The following GPR149 variants were observed in gnomAD, a reference collection of about 807,000 sequenced individuals.
GPR149 encodes probable G protein-coupled receptor 149.
Under a neutral mutation model 50.2 loss-of-function variants are expected in GPR149, and 50 were observed. The ratio of observed to expected loss-of-function variants is 1.00; its 90% confidence interval spans 0.79 to 1.26. The LOEUF (loss-of-function observed/expected upper bound fraction) is 1.26. GPR149 is among the 50% of genes most tolerant of loss of function. GPR149 has a pLI of 0.00. For synonymous variants in GPR149, 405 were observed against 358.2 expected (o/e 1.13, Z -1.48); for missense variants, 983 against 895.4 (o/e 1.10, Z -1.25).
rs907019465 is a variant in GPR149, at chr3:154,338,176, A to G, written c.1719T>C (p.Tyr573=). The change falls in exon 4 of 4, where the codon TAT becomes TAC. Residue 573 remains tyrosine (Y), a synonymous_variant. Coordinates refer to ENST00000389740, the MANE Select transcript of GPR149 (RefSeq NM_001038705.3). ...TTTTTTGCCCTTCTGCGCTTACCTC[A>G]TAGGTAGAAAGAGATAGGGTTTTCC... ...PTGKTLSLST[Y]EVSAEGQKIT... is the part of the protein sequence containing the mutation. The G allele has an allele frequency of 7.4e-6, 12 of 1,613,884 alleles. No individual in the cohort carries two copies. The highest frequency in any genetic ancestry group is 1.6e-4 in the Middle Eastern group (1 of 6,084).
At chr3:154,390,112 G>C (rs1407531706) in intron 3 of GPR149, among the ~76,000 whole-genome samples, 2 of 152,120 alleles carry the variant, frequency 1.3e-5, no homozygotes, top group African/African-American at 4.8e-5. Flanking sequence ...TCTCTGGCTG[G>C]TCTGACTGGT....
intron 3 of GPR149, among the ~76,000 whole-genome samples, chr3:154,383,706 G>A (rs1287101636): frequency 1.3e-5 from 2 of 152,038 alleles, no homozygotes; most frequent in Non-Finnish European, 2.9e-5. Flanking sequence ...AGATGCTATG[G>A]TCTGGATGTT....
intron 2 of GPR149, among the ~76,000 whole-genome samples, chr3:154,423,737 A>G (rs1288389339): frequency 2.6e-5 from 4 of 151,896 alleles, no homozygotes; most frequent in African/African-American, 9.7e-5. Flanking sequence ...GTCAAAACTA[A>G]TCATTTTTAA....
chr3:154,357,458 T>C (rs1005729097), intron 3 of GPR149, among the ~76,000 whole-genome samples: 3 of 151,938 alleles, frequency 2.0e-5, no homozygotes, highest in Non-Finnish European at 4.4e-5. Context: ...ATATCCAGAA[T>C]CTACAATGAA....
intron 3 of GPR149, among the ~76,000 whole-genome samples, chr3:154,398,191 A>G (rs1292927610): frequency 1.3e-5 from 2 of 152,178 alleles, no homozygotes; most frequent in Non-Finnish European, 2.9e-5. Context: ...AAAGAGGAAG[A>G]AAACATCTTC....
intron 3 of GPR149, among the ~76,000 whole-genome samples, chr3:154,348,728 A>G (rs1001871804): frequency 1.3e-5 from 2 of 152,142 alleles, no homozygotes; most frequent in Non-Finnish European, 2.9e-5. Flanking sequence ...AGTGTAGAAG[A>G]GCATCATTAA....
intron 3 of GPR149, among the ~76,000 whole-genome samples, chr3:154,368,113 T>C (rs1194900676): frequency 6.6e-6 from 1 of 152,192 alleles, no homozygotes; most frequent in Non-Finnish European, 1.5e-5. Context: ...GAGTTATCAG[T>C]AGACATTCTA....
intron 3 of GPR149, among the ~76,000 whole-genome samples, chr3:154,419,858 G>A (rs189069469): frequency 5.2e-4 from 79 of 152,070 alleles, no homozygotes; most frequent in East Asian, 5.0e-3. Context: ...CATATGGAGC[G>A]TTGTGTTCTT....
chr3:154,380,776 C>A (rs1714904977), intron 3 of GPR149, among the ~76,000 whole-genome samples: 1 of 152,076 alleles, frequency 6.6e-6, no homozygotes, highest in South Asian at 2.1e-4. Flanking sequence ...CCAAATAAAT[C>A]CCAAGCAAAT....
intron 3 of GPR149, among the ~76,000 whole-genome samples, chr3:154,364,771 C>T (rs1404480601): frequency 1.3e-5 from 2 of 152,242 alleles, no homozygotes; most frequent in Admixed American, 6.5e-5. Flanking sequence ...GATCCCACCC[C>T]CATGGCTTTG....
In GPR149 at chr3:154,335,620, T is replaced by C. The variant is rs1003349911; in HGVS notation, c.*2079A>G. On this transcript the variant is annotated 3_prime_UTR_variant, in exon 4 of 4. Transcript: ENST00000389740. ...AATTAAATGGGAATATCCTAATTAT[T>C]TTTCCAATTCCCCCAGTTTAAGCCC... is the stretch of plus-strand genomic sequence containing the variant. 1.6e-4 allele frequency: 25 copies of C among 152,178 alleles called. No homozygotes were observed. The highest frequency in any genetic ancestry group is 6.0e-4 in the African/African-American group (25 of 41,468). 9.4% of individuals were successfully genotyped at this position (152,178 alleles called of 1,614,324 possible).
At position 154,427,515 on chromosome 3, in the gene GPR149, CT is replaced by C; in HGVS notation, c.1174del (p.Ile392SerfsTer21). On this transcript the variant is annotated frameshift_variant and splice_region_variant, in exon 2 of 4. Transcript: ENST00000389740. LOFTEE classifies it high-confidence loss of function. ...CAATCACTGCAGTGTTGAGGACTTA[CT>C]TTTTTTCCCATCGGACGCCACTGCA... is the stretch of plus-strand genomic sequence containing the variant. ...AYAVASDGKK[I>X]KRKGFEFNLS... is the part of the protein sequence containing the mutation. The C allele has an allele frequency of 1.9e-6, 3 of 1,603,324 alleles. No homozygotes were observed. The highest frequency in any genetic ancestry group is 1.7e-5 in the Admixed American group (1 of 58,952).
intron 3 of GPR149, among the ~76,000 whole-genome samples, chr3:154,394,897 A>G (rs1210424458): frequency 6.6e-6 from 1 of 152,194 alleles, no homozygotes; most frequent in East Asian, 1.9e-4. Context: ...TAGAATGGCT[A>G]TTGTAATGAT....
chr3:154,350,953 A>G (rs572341948), intron 3 of GPR149, among the ~76,000 whole-genome samples: 12 of 152,258 alleles, frequency 7.9e-5, no homozygotes, highest in African/African-American at 2.9e-4. Context: ...GCTGTTTACT[A>G]TATTGTTTAG....
chr3:154,408,338 A>T (rs1033675636), intron 3 of GPR149, among the ~76,000 whole-genome samples: 2 of 152,198 alleles, frequency 1.3e-5, no homozygotes, highest in African/African-American at 4.8e-5. Flanking sequence ...GACCCACTGA[A>T]GGAATTGGAT....
chr3:154,428,598 A>G, intron 1 of GPR149, 37 bp downstream of exon 1: 2 of 1,588,510 alleles, frequency 1.3e-6, no homozygotes, highest in Non-Finnish European at 1.7e-6. Flanking sequence ...ACTGTCTGGC[A>G]CACACACTCG....
intron 3 of GPR149, among the ~76,000 whole-genome samples, chr3:154,400,943 G>A (rs1403643765): frequency 6.6e-6 from 1 of 152,126 alleles, no homozygotes; most frequent in African/African-American, 2.4e-5. Context: ...AAAATGAATG[G>A]ACACACACTA....
intron 1 of GPR149, 57 bp downstream of exon 1, chr3:154,428,578 A>C: frequency 2.0e-6 from 3 of 1,533,144 alleles, no homozygotes. Flanking sequence ...CGGTCCCAAC[A>C]CTCATTTACA....
At chr3:154,426,254 C>T (rs964402510) in intron 2 of GPR149, among the ~76,000 whole-genome samples, 3 of 152,054 alleles carry the variant, frequency 2.0e-5, no homozygotes, top group Non-Finnish European at 4.4e-5. Flanking sequence ...TAATGGCATT[C>T]TTAACAATAA....
Sources: allele counts gnomAD v4.1 joint callset (sites outside exome capture counted in the v4.1 genomes callset), GRCh38; gene constraint gnomAD v4.1.1; transcripts MANE v1.5; gene names NCBI Gene and HGNC (gene_info 2026-07-23, HGNC 2026-07-21).